GABBR2: variants seen among roughly 807,000 people sequenced by gnomAD.
The protein encoded by GABBR2 is gamma-aminobutyric acid type B receptor subunit 2.
A neutral mutation model predicts 105.6 loss-of-function variants in GABBR2; 23 were observed. The ratio of observed to expected loss-of-function variants is 0.22; its 90% CI spans 0.16 to 0.31. The LOEUF is 0.31. Among genes scored for constraint, GABBR2 ranks in the 10% least tolerant of loss-of-function variants. The pLI is 1.00. For missense variants in GABBR2, 734 were observed against 1,245.5 expected, an observed-to-expected ratio of 0.59 and a Z score of 6.18; for synonymous variants, 478 against 499.7, an observed-to-expected ratio of 0.96 and a Z score of 0.58.
At chr9:98,615,452 T>C (rs1471030911) in intron 1 of GABBR2, among the ~76,000 whole-genome samples, 1 of 152,248 alleles carries the variant, frequency 6.6e-6, no homozygotes, top group Non-Finnish European at 1.5e-5. Context: ...TTTGAAAGAC[T>C]AATTTTTAAA....
At position 98,362,807 on chromosome 9, in the gene GABBR2, C is replaced by T. The variant is rs758668397; in HGVS notation, c.1801G>A (p.Val601Met). The T allele has an allele frequency of 3.1e-6, 5 of 1,594,874 alleles. No individual in the cohort carries two copies. Among genetic ancestry groups the T allele is most frequent in the African/African-American group, 1.4e-5 (1 of 73,980 alleles). Reference protein sequence around the residue: ...IIKDQKLLVIVGGMLLIDLCI... With the variant: ...IIKDQKLLVIMGGMLLIDLCI... ...AGGTCGATCAGCAGCATGCCCCCCA[C>T]GATCACAAGCAGTTTCTGGTCCTTG... Residue 601 changes from valine to methionine, a missense_variant, in exon 13 of 19, where the codon GTG becomes ATG. Val to Met is a conservative substitution (Grantham distance 21). Around this residue, in one of 7 missense-constraint regions of GABBR2, gnomAD observed 17 missense variants for 67.8 expected, o/e 0.25. Coordinates refer to ENST00000259455, the MANE Select transcript of GABBR2 (RefSeq NM_005458.8).
At chr9:98,345,579 A>G (rs886968713) in intron 13 of GABBR2, among the ~76,000 whole-genome samples, 1 of 152,192 alleles carries the variant, frequency 6.6e-6, no homozygotes, top group Non-Finnish European at 1.5e-5. Flanking sequence ...CTCCTATTCA[A>G]CATTGTACTA....
chr9:98,362,747 G>A lies in GABBR2; in HGVS notation c.1861C>T (p.Leu621=). 2 of 1,602,326 alleles carry A rather than the reference G, an allele frequency of 1.2e-6. No individual in the cohort carries two copies. Among genetic ancestry groups the A allele is most frequent in the Non-Finnish European group, 1.7e-6 (2 of 1,175,210 alleles). Residue 621 remains leucine, a synonymous_variant, in exon 13 of 19, where the codon CTG becomes TTG. Coordinates refer to ENST00000259455, the MANE Select transcript of GABBR2 (RefSeq NM_005458.8). ...ILICWQAVDP[L]RRTVEKYSME... ...CTGTACTTCTCCACTGTCCTTCGCAGGGGGTCCACAGCCTGCCAGCAGATC... is the reference window on the plus strand; with the variant it reads ...CTGTACTTCTCCACTGTCCTTCGCAAGGGGTCCACAGCCTGCCAGCAGATC...
intron 17 of GABBR2, among the ~76,000 whole-genome samples, chr9:98,296,517 C>T (rs1159431628): frequency 6.6e-6 from 1 of 152,224 alleles, no homozygotes; most frequent in Admixed American, 6.5e-5. Flanking sequence ...GAATGCCTCT[C>T]TTATAACCTG....
Position 98,373,385 on chromosome 9 carries a change from A to G in GABBR2, c.1663-1814T>C, listed in dbSNP as rs2131465968. Among the ~76,000 whole-genome samples, 5 of 152,314 alleles carry G rather than the reference A, an allele frequency of 3.3e-5. 1 individual carries two copies. In the Middle Eastern group the frequency reaches 0.017, roughly 518 times the overall value. On this transcript the variant is annotated intron_variant, in intron 11 of 18. Transcript: ENST00000259455. Reference sequence around the variant, plus strand: ...ACTCCCTTAACAGGTGAAGAAACTGAGGCCCAGCGCATTCAAGATAGTTCC... The same window carrying G: ...ACTCCCTTAACAGGTGAAGAAACTGGGGCCCAGCGCATTCAAGATAGTTCC...
intron 7 of GABBR2, among the ~76,000 whole-genome samples, chr9:98,409,336 G>A (rs1832544896): frequency 6.6e-6 from 1 of 152,230 alleles, no homozygotes; most frequent in Non-Finnish European, 1.5e-5. Flanking sequence ...CAGAATGGAT[G>A]GTAGTGTGGC....
chr9:98,521,097 G>A (rs935115715), intron 3 of GABBR2, among the ~76,000 whole-genome samples: 15 of 152,148 alleles, frequency 9.9e-5, no homozygotes, highest in African/African-American at 3.6e-4. Flanking sequence ...GTAAAGCTAA[G>A]CACAGATGTC....
At chr9:98,677,923 G>C (rs1292816591) in intron 1 of GABBR2, among the ~76,000 whole-genome samples, 1 of 152,090 alleles carries the variant, frequency 6.6e-6, no homozygotes, top group African/African-American at 2.4e-5. Flanking sequence ...GGGCCTGACT[G>C]TCCTTTGTTT....
Position 98,492,349 on chromosome 9 carries a change from TA to T in GABBR2, c.732+4063del, listed in dbSNP as rs574771107. Among the ~76,000 whole-genome samples, 214 of 29,200 alleles carry T rather than the reference TA, an allele frequency of 7.3e-3. 3 individuals carry two copies. Among genetic ancestry groups the T allele is most frequent in the Middle Eastern group, 0.071 (2 of 28 alleles). The allele number at this position is 29,200 out of a possible 152,430, so 19.2% of individuals were successfully genotyped here. ...GAGCCCGCTTAAGTTTGTTTCCTAG[TA>T]AAAAAAAAAAAAAAAAAAAAAAAAA... On this transcript the variant is annotated intron_variant, in intron 4 of 18. Transcript: ENST00000259455.
chr9:98,417,033 CCTT>C (rs1832700842), intron 7 of GABBR2, among the ~76,000 whole-genome samples: 1 of 152,188 alleles, frequency 6.6e-6, no homozygotes, highest in South Asian at 2.1e-4. Context: ...GCTCCCGGCT[CCTT>C]CCTCCACACC....
At chr9:98,478,388 A>T (rs1375107338) in intron 5 of GABBR2, among the ~76,000 whole-genome samples, 1 of 152,140 alleles carries the variant, frequency 6.6e-6, no homozygotes, top group Non-Finnish European at 1.5e-5. Flanking sequence ...CTTCCAGAAG[A>T]ACTCCTTCCC....
At chr9:98,453,784 A>G (rs1046538525) in intron 7 of GABBR2, among the ~76,000 whole-genome samples, 197 bp downstream of exon 7, 1 of 152,116 alleles carries the variant, frequency 6.6e-6, no homozygotes, top group Non-Finnish European at 1.5e-5. Flanking sequence ...ACAGAGAAGC[A>G]TTTTCCCAAT....
chr9:98,597,481 C>T (rs1317780853), intron 1 of GABBR2, among the ~76,000 whole-genome samples: 1 of 152,200 alleles, frequency 6.6e-6, no homozygotes, highest in African/African-American at 2.4e-5. Flanking sequence ...CCACAGCAAC[C>T]CCCATTTTAC....
At chr9:98,610,814 C>T (rs557265709) in intron 1 of GABBR2, among the ~76,000 whole-genome samples, 2 of 152,200 alleles carry the variant, frequency 1.3e-5, no homozygotes, top group East Asian at 3.9e-4. Flanking sequence ...TTTCAGCCAC[C>T]CTGTTTGTGG....
intron 16 of GABBR2, among the ~76,000 whole-genome samples, chr9:98,300,019 T>C (rs1010525037): frequency 7.3e-5 from 11 of 151,586 alleles, no homozygotes; most frequent in African/African-American, 2.7e-4. Flanking sequence ...CATGCTACCA[T>C]GTCTGGCTAA....
chr9:98,440,753 C>T (rs1158773910), intron 7 of GABBR2, among the ~76,000 whole-genome samples: 4 of 152,208 alleles, frequency 2.6e-5, no homozygotes, highest in South Asian at 4.1e-4. Context: ...AGTGTCACAT[C>T]GAGTGTGTGT....
rs987965170 is a variant in GABBR2, at chr9:98,636,020, G to A, written c.322-57948C>T. ...GAGCCTGGACTTCTGCATCACCATG[G>A]GGCCACGGTGATTCCAAGACAGGAG... On this transcript the variant is annotated intron_variant, in intron 1 of 18. Coordinates refer to ENST00000259455, the MANE Select transcript of GABBR2 (RefSeq NM_005458.8). Among the ~76,000 whole-genome samples the A allele has an allele frequency of 2.6e-5, 4 of 152,126 alleles. No individual in the cohort carries two copies. In the East Asian group the frequency reaches 7.7e-4, roughly 29 times the overall value.
At chr9:98,481,138 C>T in intron 4 of GABBR2, 141 bp from the exon 5 acceptor site, 2 of 663,750 alleles carry the variant, frequency 3.0e-6, no homozygotes, top group Non-Finnish European at 5.6e-6. Flanking sequence ...GGCAGAACCT[C>T]ACCCCCAACC....
chr9:98,573,490 C>G (rs940680668), intron 2 of GABBR2, among the ~76,000 whole-genome samples: 1 of 152,166 alleles, frequency 6.6e-6, no homozygotes, highest in Non-Finnish European at 1.5e-5. Flanking sequence ...CACTATGTTC[C>G]CCAGGCTGGC....
Sources: gnomAD v4.1 joint callset for allele counts (sites outside exome capture counted in the v4.1 genomes callset) on GRCh38, gnomAD v4.1.1 for gene constraint, gnomAD v4.1.1 regional missense constraint, MANE v1.5 for transcripts, NCBI Gene and HGNC (gene_info 2026-07-23, HGNC 2026-07-21) for gene names.